STARD13: variants seen among roughly 807,000 people sequenced by gnomAD.
The protein encoded by STARD13 is StAR related lipid transfer domain containing 13.
Under a neutral mutation model 106.4 loss-of-function variants are expected in STARD13, and 62 were observed. The ratio of observed to expected loss-of-function variants is 0.58; its 90% CI spans 0.48 to 0.72. STARD13 has a LOEUF of 0.72. Among genes scored for constraint, STARD13 ranks in the 30% least tolerant of loss-of-function variants. The pLI is 0.00. For synonymous variants in STARD13, 565 were observed against 553.0 expected (o/e 1.02, Z -0.31); for missense variants, 1,387 against 1,424.0 (o/e 0.97, Z 0.42).
At chr13:33,551,804 G>C in the STARD13 span, among the ~76,000 whole-genome samples, 37 of 151,596 alleles carry the variant, frequency 2.4e-4, no homozygotes, top group African/African-American at 8.5e-4. Context: ...CACCATGTTG[G>C]CCAGGCTGGT....
At chr13:33,209,734 A>G (rs9596959) in intron 1 of STARD13, among the ~76,000 whole-genome samples, 51,649 of 151,772 alleles carry the variant, frequency 0.34, 9,036 homozygotes, top group Middle Eastern at 0.44. Context: ...ACTTTGGGAG[A>G]CCGAGGTGGG....
At chr13:33,289,709 A>G (rs1417139909), upstream of STARD13, among the ~76,000 whole-genome samples, 13 of 152,264 alleles carry the variant, frequency 8.5e-5, no homozygotes, top group East Asian at 2.5e-3. Flanking sequence ...AAATATGGGT[A>G]TGGGGCGGCT....
the STARD13 span, among the ~76,000 whole-genome samples, chr13:33,543,849 T>A: frequency 6.6e-6 from 1 of 152,244 alleles, no homozygotes; most frequent in Non-Finnish European, 1.5e-5. Flanking sequence ...GATTGCTTTG[T>A]CAATAATGCT....
the STARD13 span, among the ~76,000 whole-genome samples, chr13:33,460,033 T>C: frequency 1.3e-5 from 2 of 152,226 alleles, no homozygotes; most frequent in African/African-American, 4.8e-5. Flanking sequence ...AGTGTAGTTT[T>C]CAAATTTCTT....
rs549764254 is a variant in STARD13 at position 33,104,491 on chromosome 13, A to G, written c.*1102T>C. On this transcript the variant is annotated 3_prime_UTR_variant, in exon 14 of 14. Transcript: ENST00000336934. ...TTTAAGAGTATCCTACACATAACAA[A>G]ATATGAATTCCCTGAAGCTGTAACG... 1.3e-5 allele frequency: 2 copies of G among 152,774 alleles called. No homozygotes were observed. The highest frequency in any genetic ancestry group is 4.1e-4 in the South Asian group (2 of 4,826). The allele number at this position is 152,774 out of a possible 1,614,324, so 9.5% of individuals were successfully genotyped here.
intron 1 of STARD13, among the ~76,000 whole-genome samples, chr13:33,216,774 C>A (rs569240862): frequency 6.6e-6 from 1 of 152,196 alleles, no homozygotes; most frequent in East Asian, 1.9e-4. Flanking sequence ...AGGAGAGGCA[C>A]CTGACAACCA....
chr13:33,400,654 G>A, the STARD13 span, among the ~76,000 whole-genome samples: 8 of 151,934 alleles, frequency 5.3e-5, no homozygotes, highest in South Asian at 6.2e-4. Context: ...TACTAGAGAC[G>A]GGGTTTCACT....
chr13:33,608,189 A>C, the STARD13 span, among the ~76,000 whole-genome samples: 51 of 152,320 alleles, frequency 3.3e-4, 1 homozygote, highest in South Asian at 7.9e-3. Context: ...TTACAGGTGC[A>C]AGCCACTGTG....
the STARD13 span, among the ~76,000 whole-genome samples, chr13:33,519,000 C>T: frequency 3.3e-5 from 5 of 152,200 alleles, no homozygotes; most frequent in South Asian, 6.2e-4. Context: ...ACCTCCTAGG[C>T]CCATCTGAGC....
At chr13:33,424,892 T>G in the STARD13 span, among the ~76,000 whole-genome samples, 1 of 152,182 alleles carries the variant, frequency 6.6e-6, no homozygotes, top group Admixed American at 6.5e-5. Context: ...AAGCTGGCCT[T>G]TGGTAAATTT....
chr13:33,496,933 C>T, the STARD13 span, among the ~76,000 whole-genome samples: 1 of 151,974 alleles, frequency 6.6e-6, no homozygotes, highest in East Asian at 1.9e-4. Context: ...TGCAATTATC[C>T]TACAAGTACC....
At chr13:33,676,479 T>A in the STARD13 span, among the ~76,000 whole-genome samples, 1 of 152,248 alleles carries the variant, frequency 6.6e-6, no homozygotes, top group African/African-American at 2.4e-5. Flanking sequence ...GAAGACATTT[T>A]ATTTTTTAAA....
At chr13:33,413,750 G>A in the STARD13 span, among the ~76,000 whole-genome samples, 3,200 of 152,244 alleles carry the variant, frequency 0.021, 113 homozygotes, top group African/African-American at 0.074. Flanking sequence ...AAGCACATGA[G>A]GCCAGGTGCG....
chr13:33,398,809 A>G, the STARD13 span, among the ~76,000 whole-genome samples: 1 of 152,322 alleles, frequency 6.6e-6, no homozygotes, highest in African/African-American at 2.4e-5. Context: ...ATTGCTGGAG[A>G]AAATCTAAAA....
the STARD13 span, among the ~76,000 whole-genome samples, chr13:33,418,303 G>C: frequency 2.5e-4 from 38 of 152,240 alleles, no homozygotes; most frequent in Non-Finnish European, 4.1e-4. Context: ...GCCTGGCTTG[G>C]CAGGTCCCAC....
At position 33,109,862 on chromosome 13, in the gene STARD13, G is replaced by A; in HGVS notation, c.3047+11C>T. 1 of 1,613,066 alleles carries A rather than the reference G, an allele frequency of 6.2e-7. No individual in the cohort carries two copies. The highest frequency in any genetic ancestry group is 8.5e-7 in the Non-Finnish European group (1 of 1,178,970). ...GGAACAGAACATCATAAACCCTAGA[G>A]TCAGGCTCACCTGAGAACCACAAAG... is the stretch of plus-strand genomic sequence containing the variant. On this transcript the variant is annotated intron_variant, in intron 12 of 13. Transcript: ENST00000336934.
At chr13:33,264,491 A>C (rs769622158) in intron 1 of STARD13, among the ~76,000 whole-genome samples, 1 of 152,206 alleles carries the variant, frequency 6.6e-6, no homozygotes. Context: ...TGGAGAGGCA[A>C]TTAGGGTCAC....
At chr13:33,459,557 A>G in the STARD13 span, among the ~76,000 whole-genome samples, 4 of 152,304 alleles carry the variant, frequency 2.6e-5, no homozygotes, top group Middle Eastern at 3.4e-3. Flanking sequence ...AAAAGCTTCT[A>G]TGAACATTTC....
At chr13:33,146,323 CA>C (rs893019495) in intron 3 of STARD13, among the ~76,000 whole-genome samples, 23 of 143,096 alleles carry the variant, frequency 1.6e-4, no homozygotes, top group South Asian at 1.1e-3. Flanking sequence ...AACTCCATCT[CA>C]AAAAAAAAAA....
Sources: allele counts gnomAD v4.1 joint callset (sites outside exome capture counted in the v4.1 genomes callset), GRCh38; gene constraint gnomAD v4.1.1; transcripts MANE v1.5; gene names NCBI Gene and HGNC (gene_info 2026-07-23, HGNC 2026-07-21).